Variants in HMCN2 observed in about 807,000 individuals in gnomAD.
The protein encoded by HMCN2 is hemicentin 2.
In HMCN2, 325 loss-of-function variants were observed where a neutral mutation model predicts 377.5. The observed-to-expected ratio is 0.86, with a 90% CI of 0.79 to 0.94. The LOEUF is 0.94. Among genes scored for constraint, HMCN2 ranks in the 40% least tolerant of loss-of-function variants. HMCN2 has a pLI of 0.00. For missense variants in HMCN2, 4,543 were observed against 4,725.3 expected, an observed-to-expected ratio of 0.96 and a Z score of 1.13; for synonymous variants, 2,007 against 2,046.8, an observed-to-expected ratio of 0.98 and a Z score of 0.53.
intron 14 of HMCN2, 75 bp downstream of exon 14, chr9:130,307,641 T>C (rs1554937344): frequency 1.1e-5 from 5 of 467,824 alleles, no homozygotes; most frequent in African/African-American, 1.0e-4. Context: ...GGGGGTGTCC[T>C]GAATGTGGAG....
chr9:130,383,631 G>A, intron 57 of HMCN2, 31 bp downstream of exon 57: 1 of 971,908 alleles, frequency 1.0e-6, no homozygotes. Flanking sequence ...AGCCCCTGTG[G>A]GTTCCTTTTC....
chr9:130,290,860 C>A (rs1835709978), intron 4 of HMCN2, among the ~76,000 whole-genome samples: 1 of 82,798 alleles, frequency 1.2e-5, no homozygotes, highest in African/African-American at 6.4e-5. Flanking sequence ...CTAGCTCAGT[C>A]TGAAAAAAAA....
rs1554935886 is a variant in HMCN2, at chr9:130,304,712, G to C, written c.1544-18G>C. ...TTGCCTCAGCTCCTTGGTTCCTCCT[G>C]TGCTCATGTCCCTGCAGACCCCCCG... On this transcript the variant is annotated intron_variant, in intron 10 of 97. Transcript: ENST00000683500. This position sits in a 1 kb window ranked among gnomAD's most constrained non-coding sequence, Gnocchi z 4.3. 1 of 454,484 alleles carries C rather than the reference G, an allele frequency of 2.2e-6. No individual in the cohort carries two copies. The highest frequency in any genetic ancestry group is 4.6e-6 in the Non-Finnish European group (1 of 216,178). 28.2% of individuals were successfully genotyped at this position (454,484 alleles called of 1,614,324 possible).
At chr9:130,289,137 C>T (rs1208406255) in intron 4 of HMCN2, among the ~76,000 whole-genome samples, 3 of 152,142 alleles carry the variant, frequency 2.0e-5, no homozygotes, top group African/African-American at 7.2e-5. Context: ...GCCCCTCTGT[C>T]TTTTTTTCCT....
chr9:130,429,721 AG>A, intron 94 of HMCN2, 36 bp downstream of exon 94: 1 of 1,303,376 alleles, frequency 7.7e-7, no homozygotes, highest in South Asian at 1.5e-5. Flanking sequence ...ACACCGCTGC[AG>A]CTGCCCCAGG....
intron 84 of HMCN2, among the ~76,000 whole-genome samples, chr9:130,409,694 T>A (rs567582976): frequency 3.8e-4 from 58 of 152,340 alleles, no homozygotes; most frequent in Middle Eastern, 3.4e-3. Context: ...CTAGCAGTTA[T>A]CACTCCCATT....
At chr9:130,374,759 C>T (rs918260035) in intron 49 of HMCN2, 66 bp downstream of exon 49, 2 of 821,850 alleles carry the variant, frequency 2.4e-6, no homozygotes, top group Non-Finnish European at 2.9e-6. Flanking sequence ...GTGACTGGCT[C>T]CTTACAGACA....
At chr9:130,311,332 T>TG (rs74212713) in intron 15 of HMCN2, among the ~76,000 whole-genome samples, 2 of 152,112 alleles carry the variant, frequency 1.3e-5, no homozygotes, top group Admixed American at 6.6e-5. Flanking sequence ...GGGTCTGGCC[T>TG]GGGGGGGTTG....
chr9:130,350,900 C>T (rs1027932808), intron 29 of HMCN2, among the ~76,000 whole-genome samples: 1 of 151,780 alleles, frequency 6.6e-6, no homozygotes, highest in African/African-American at 2.4e-5. Flanking sequence ...AAGACTCAGT[C>T]TCAAGGAAAA....
chr9:130,332,073 G>T (rs1224312448), intron 22 of HMCN2, among the ~76,000 whole-genome samples: 5 of 152,268 alleles, frequency 3.3e-5, no homozygotes, highest in Admixed American at 3.3e-4. Context: ...GTGACTTGTG[G>T]CAGGGAAAGC....
At chr9:130,272,282 C>T (rs868909644) in intron 1 of HMCN2, among the ~76,000 whole-genome samples, 65 of 148,658 alleles carry the variant, frequency 4.4e-4, no homozygotes, top group African/African-American at 1.4e-3. Flanking sequence ...ACCTTGTCTC[C>T]CAGGCTGGAA....
Position 130,384,690 on chromosome 9 carries a change from C to T in HMCN2, c.8998C>T (p.His3000Tyr). Residue 3000 changes from histidine (H) to tyrosine (Y), a missense_variant, in exon 59 of 98, where the codon CAC (histidine) becomes TAC (tyrosine). By Grantham distance (83) the His-to-Tyr change is moderately conservative. Transcript: ENST00000683500. Reference protein sequence around the residue: ...GEEVFLLPGTHTLQLGRARLS... With the variant: ...GEEVFLLPGTYTLQLGRARLS... ...GGGCTGGCTTCCCCCGGCAGGCACC[C>T]ACACGCTGCAGCTGGGGAGAGCACG... 7.7e-7 allele frequency: 1 copy of T among 1,302,444 alleles called. No homozygotes were observed. The highest frequency in any genetic ancestry group is 1.0e-6 in the Non-Finnish European group (1 of 988,860). The allele number at this position is 1,302,444 out of a possible 1,614,324, so 80.7% of individuals were successfully genotyped here. A position where few individuals can be genotyped will look rare whatever the true frequency, so the allele number is the denominator to read the frequency against.
Position 130,400,703 on chromosome 9 carries a change from A to G in HMCN2, c.11606-80A>G, listed in dbSNP as rs1050906361. The G allele has an allele frequency of 1.1e-5, 12 of 1,073,970 alleles. No individual in the cohort carries two copies. The African/African-American group carries it at 2.0e-4, about 18-fold the overall frequency. The allele number at this position is 1,073,970 out of a possible 1,614,324, so 66.5% of individuals were successfully genotyped here. A position where few individuals can be genotyped will look rare whatever the true frequency, so the allele number is the denominator to read the frequency against. On this transcript the variant is annotated intron_variant, in intron 76 of 97. Transcript: ENST00000683500. ...CTTTGTCACTGATGTCACCTTGTGT[A>G]CTAGCTTTACCCCCTGGCCCTGTGG...
At chr9:130,392,920 C>T (rs376211914) in intron 66 of HMCN2, among the ~76,000 whole-genome samples, 119 of 151,876 alleles carry the variant, frequency 7.8e-4, no homozygotes, top group African/African-American at 2.9e-3. Flanking sequence ...GGCGTGAACC[C>T]GGGAGGCGGA....
intron 1 of HMCN2, among the ~76,000 whole-genome samples, chr9:130,270,207 G>GT (rs1486941080): frequency 8.2e-6 from 1 of 121,378 alleles, no homozygotes; most frequent in East Asian, 2.3e-4. Flanking sequence ...AGTTTTAAAT[G>GT]TTTATGTAGA....
intron 41 of HMCN2, among the ~76,000 whole-genome samples, chr9:130,365,330 A>G (rs1221770039): frequency 6.6e-6 from 1 of 151,698 alleles, no homozygotes; most frequent in Non-Finnish European, 1.5e-5. Flanking sequence ...CTGGGAGCTG[A>G]TGAAATGCAG....
intron 54 of HMCN2, among the ~76,000 whole-genome samples, chr9:130,380,792 G>GA (rs1317555185): frequency 0.028 from 2,509 of 90,504 alleles, 25 homozygotes; most frequent in African/African-American, 0.056. Context: ...CTCAAAAAAA[G>GA]AAAAAAAAAA....
rs1588385398 is a variant in HMCN2 at position 130,394,058 on chromosome 9, G to A, written c.10501+50G>A. ...CTTCTCTGGGCTCGGGGGAGAGGGT[G>A]GGACTCTAGGGGCAATGGGAAGGAC... On this transcript the variant is annotated intron_variant, in intron 68 of 97. Coordinates refer to ENST00000683500, the MANE Select transcript of HMCN2 (RefSeq NM_001291815.2). The surrounding 1 kb of genome is among the most constrained non-coding windows in gnomAD (Gnocchi z 5.1). 10 of 1,191,934 alleles carry A rather than the reference G, an allele frequency of 8.4e-6. No homozygotes were observed. The highest frequency in any genetic ancestry group is 1.1e-5 in the Non-Finnish European group (10 of 943,452). The allele number at this position is 1,191,934 out of a possible 1,614,324, so 73.8% of individuals were successfully genotyped here.
chr9:130,413,742 C>T (rs185408900), intron 85 of HMCN2, among the ~76,000 whole-genome samples: 143 of 152,148 alleles, frequency 9.4e-4, no homozygotes, highest in Non-Finnish European at 1.6e-3. Flanking sequence ...TGTGCACGTG[C>T]GCACACACAC....
Sources: gnomAD v4.1 joint callset for allele counts (sites outside exome capture counted in the v4.1 genomes callset) on GRCh38, gnomAD v4.1.1 for gene constraint, Gnocchi (gnomAD v3.1) non-coding constraint, MANE v1.5 for transcripts, NCBI Gene and HGNC (gene_info 2026-07-23, HGNC 2026-07-21) for gene names.